Variants in SLC9A5 observed in about 807,000 individuals in gnomAD.
The protein encoded by SLC9A5 is solute carrier family 9 member A5, also known as sodium/hydrogen exchanger 5.
In SLC9A5, 52 loss-of-function variants were observed where a neutral mutation model predicts 91.7. The ratio of observed to expected loss-of-function variants is 0.57; its 90% CI spans 0.45 to 0.71. SLC9A5 has a LOEUF of 0.71. Among genes scored for constraint, SLC9A5 ranks in the 30% least tolerant of loss-of-function variants. SLC9A5 has a pLI of 0.00. For missense variants in SLC9A5, 871 were observed against 1,158.9 expected, an observed-to-expected ratio of 0.75 and a Z score of 3.61; for synonymous variants, 419 against 474.5, an observed-to-expected ratio of 0.88 and a Z score of 1.52.
intron 12 of SLC9A5, among the ~76,000 whole-genome samples, chr16:67,264,028 T>G (rs1361486634): frequency 6.6e-6 from 1 of 151,858 alleles, no homozygotes; most frequent in African/African-American, 2.4e-5. Flanking sequence ...AAAGAAAATG[T>G]CCCCCATGTT....
chr16:67,266,930 A>T (rs1456281342), intron 15 of SLC9A5, among the ~76,000 whole-genome samples: 3 of 125,058 alleles, frequency 2.4e-5, no homozygotes, highest in Non-Finnish European at 4.8e-5. Flanking sequence ...TTGAGACAGG[A>T]TCTCACTCTG....
rs1449978937 is a variant in SLC9A5 at position 67,270,819 on chromosome 16, G to C, written c.2300G>C (p.Gly767Ala). 6.2e-7 allele frequency: 1 copy of C among 1,614,074 alleles called. No homozygotes were observed. Among genetic ancestry groups the C allele is most frequent in the Admixed American group, 1.7e-5 (1 of 60,010 alleles). Reference sequence around the variant, plus strand: ...GAAAAGGAGCTCCCCTGGAAGAGTGGGCAGGGGGACCTGGCAGTGTACGTG... The same window carrying C: ...GAAAAGGAGCTCCCCTGGAAGAGTGCGCAGGGGGACCTGGCAGTGTACGTG... The part of the protein sequence containing the change: ...CAEKELPWKS[G>A]QGDLAVYVSS... Residue 767 changes from glycine (G) to alanine (A), a missense_variant, in exon 16 of 16, where the codon GGG (glycine) becomes GCG (alanine). This residue lies in a region of SLC9A5 where 295 missense variants were observed against 326.0 expected (regional missense o/e 0.90). Coordinates refer to ENST00000299798, the MANE Select transcript of SLC9A5 (RefSeq NM_004594.3). The surrounding 1 kb of genome is among the most constrained non-coding windows in gnomAD (Gnocchi z 4.3).
chr16:67,271,348 C>CA lies in SLC9A5; in HGVS notation c.*139dup, dbSNP rs2035919218. The CA allele has an allele frequency of 4.0e-6, 3 of 742,422 alleles. No homozygotes were observed. The highest frequency in any genetic ancestry group is 6.7e-6 in the Non-Finnish European group (3 of 450,392). The allele number at this position is 742,422 out of a possible 1,614,324, so 46.0% of individuals were successfully genotyped here. A position where few individuals can be genotyped will look rare whatever the true frequency, so the allele number is the denominator to read the frequency against. On this transcript the variant is annotated 3_prime_UTR_variant, in exon 16 of 16. Coordinates refer to ENST00000299798, the MANE Select transcript of SLC9A5 (RefSeq NM_004594.3). ...GTAATTGGGCTTCCTTGGAGCTAGT[C>CA]AGAGGGGTCACCTAAGCTGGTCCTC... is the stretch of plus-strand genomic sequence containing the variant.
Position 67,255,976 on chromosome 16 carries a change from G to T in SLC9A5, c.911+46G>T. 1 of 1,585,304 alleles carries T rather than the reference G, an allele frequency of 6.3e-7. No homozygotes were observed. On this transcript the variant is annotated intron_variant, in intron 5 of 15. Transcript: ENST00000299798. This position sits in a 1 kb window ranked among gnomAD's most constrained non-coding sequence, Gnocchi z 4.9. ...AGGCAGATAGCTGGGAGGGGGCACT[G>T]GAGATGGTTGCCCCTCATAGGGACA... is the stretch of plus-strand genomic sequence containing the variant.
Position 67,249,221 on chromosome 16 carries a change from C to G in SLC9A5, c.187+20C>G. 7.1e-7 allele frequency: 1 copy of G among 1,404,920 alleles called. No homozygotes were observed. The highest frequency in any genetic ancestry group is 9.3e-7 in the Non-Finnish European group (1 of 1,079,320). 87.0% of individuals were successfully genotyped at this position (1,404,920 alleles called of 1,614,324 possible). A position where few individuals can be genotyped will look rare whatever the true frequency, so the allele number is the denominator to read the frequency against. ...AAATCGGTGAGTGCGTGTGTGCGTG[C>G]GCCAGGCCGACCGCCAGCGGCGGAC... On this transcript the variant is annotated intron_variant, in intron 1 of 15. Coordinates refer to ENST00000299798, the MANE Select transcript of SLC9A5 (RefSeq NM_004594.3).
chr16:67,251,403 C>CTTTTTTTTTTT lies in SLC9A5; in HGVS notation c.188-1121_188-1111dup, dbSNP rs939453669. 6.2e-5 allele frequency among the ~76,000 whole-genome samples: 4 copies of CTTTTTTTTTTT among 64,808 alleles called. 1 individual carries two copies. Among genetic ancestry groups the CTTTTTTTTTTT allele is most frequent in the Non-Finnish European group, 8.6e-5 (3 of 34,844 alleles). The allele number at this position is 64,808 out of a possible 152,430, so 42.5% of individuals were successfully genotyped here. On this transcript the variant is annotated intron_variant, in intron 1 of 15. Transcript: ENST00000299798. ...TGCTAAGTGCTTTTGAGTAGATTGT[C>CTTTTTTTTTTT]TTTTTTTTTTTTTTTTTTTTTTTTT...
chr16:67,252,645 A>G lies in SLC9A5; in HGVS notation c.291A>G (p.Lys97=). 6.2e-7 allele frequency: 1 copy of G among 1,614,206 alleles called. No homozygotes were observed. Among genetic ancestry groups the G allele is most frequent in the Non-Finnish European group, 8.5e-7 (1 of 1,180,040 alleles). The change falls in exon 2 of 16, where the codon AAA becomes AAG. Residue 97 remains lysine (K), a synonymous_variant. Transcript: ENST00000299798. This position sits in a 1 kb window ranked among gnomAD's most constrained non-coding sequence, Gnocchi z 4.0. ...GAATTGTTTTGGCTGTGGCCAAGAA[A>G]GCTGAGTACCAGCTGGAGCCAGGCA... ...LGGIVLAVAK[K]AEYQLEPGTF... is the part of the protein sequence containing the mutation.
At position 67,255,653 on chromosome 16, in the gene SLC9A5, T is replaced by C. The variant is rs1176880239; in HGVS notation, c.734-100T>C. 1.5e-6 allele frequency: 2 copies of C among 1,377,988 alleles called. No homozygotes were observed. Among genetic ancestry groups the C allele is most frequent in the African/African-American group, 2.9e-5 (2 of 69,378 alleles). The allele number at this position is 1,377,988 out of a possible 1,614,324, so 85.4% of individuals were successfully genotyped here. A position where few individuals can be genotyped will look rare whatever the true frequency, so the allele number is the denominator to read the frequency against. ...CTCTGGGGTTTTGAGCCCCTGGGAGTGCGGTGGGCATCATCCCTCACTCCC... is the reference window on the plus strand; with the variant it reads ...CTCTGGGGTTTTGAGCCCCTGGGAGCGCGGTGGGCATCATCCCTCACTCCC... On this transcript the variant is annotated intron_variant, in intron 4 of 15. Transcript: ENST00000299798. This position sits in a 1 kb window ranked among gnomAD's most constrained non-coding sequence, Gnocchi z 4.9.
Position 67,252,700 on chromosome 16 carries a change from G to A in SLC9A5, c.346G>A (p.Val116Met). Residue 116 changes from valine (V) to methionine (M), a missense_variant, in exon 2 of 16, where the codon GTG (valine) becomes ATG (methionine). By Grantham distance (21) the Val-to-Met change is conservative. Transcript: ENST00000299798. This position sits in a 1 kb window ranked among gnomAD's most constrained non-coding sequence, Gnocchi z 4.0. The stretch of plus-strand genomic sequence containing the variant: ...CTTCCTCTTCCTGCTGCCTCCTATT[G>A]TGTTGGACTCAGGCTATTTCATGCC... ...TFFLFLLPPIVLDSGYFMPSR... is the reference protein window; with the variant it reads ...TFFLFLLPPIMLDSGYFMPSR... The A allele has an allele frequency of 6.2e-7, 1 of 1,614,226 alleles. No individual in the cohort carries two copies. Among genetic ancestry groups the A allele is most frequent in the Non-Finnish European group, 8.5e-7 (1 of 1,180,040 alleles).
At position 67,264,614 on chromosome 16, in the gene SLC9A5, A is replaced by C. The variant is rs913835462; in HGVS notation, c.2013+92A>C. 2.2e-5 allele frequency: 30 copies of C among 1,345,120 alleles called. 1 individual carries two copies. In the East Asian group the frequency reaches 6.9e-4, roughly 31 times the overall value. 83.3% of individuals were successfully genotyped at this position (1,345,120 alleles called of 1,614,324 possible). A position where few individuals can be genotyped will look rare whatever the true frequency, so the allele number is the denominator to read the frequency against. ...AGTGTTAGGATCCAGCTTAGGGGGA[A>C]CCCCAGTTGGGACAGTCCTCAGGGG... On this transcript the variant is annotated intron_variant, in intron 13 of 15. Coordinates refer to ENST00000299798, the MANE Select transcript of SLC9A5 (RefSeq NM_004594.3).
rs1311910940 is a variant in SLC9A5, at chr16:67,257,145, G to A, written c.1335+32G>A. ...GTGCCCACAAGGCTGGGTAGGGAGAGGGTTGGGCAGGCCCTGGGGGAGTCT... is the reference window on the plus strand; with the variant it reads ...GTGCCCACAAGGCTGGGTAGGGAGAAGGTTGGGCAGGCCCTGGGGGAGTCT... On this transcript the variant is annotated intron_variant, in intron 7 of 15. Coordinates refer to ENST00000299798, the MANE Select transcript of SLC9A5 (RefSeq NM_004594.3). The surrounding 1 kb of genome is among the most constrained non-coding windows in gnomAD (Gnocchi z 5.1). The A allele has an allele frequency of 6.3e-7, 1 of 1,583,622 alleles. No homozygotes were observed. Among genetic ancestry groups the A allele is most frequent in the Non-Finnish European group, 8.6e-7 (1 of 1,163,552 alleles).
At position 67,255,491 on chromosome 16, in the gene SLC9A5, C is replaced by T. The variant is rs1334880053; in HGVS notation, c.733+20C>T. On this transcript the variant is annotated intron_variant, in intron 4 of 15. Coordinates refer to ENST00000299798, the MANE Select transcript of SLC9A5 (RefSeq NM_004594.3). The surrounding 1 kb of genome is among the most constrained non-coding windows in gnomAD (Gnocchi z 4.9). ...GAGTCGGTCAGTATTTCCCCGCTCCCAGCTGGCATTGGAGGTCTGCCTCCC... is the reference window on the plus strand; with the variant it reads ...GAGTCGGTCAGTATTTCCCCGCTCCTAGCTGGCATTGGAGGTCTGCCTCCC... 1 of 1,612,126 alleles carries T rather than the reference C, an allele frequency of 6.2e-7. No individual in the cohort carries two copies. Among genetic ancestry groups the T allele is most frequent in the Non-Finnish European group, 8.5e-7 (1 of 1,178,410 alleles).
intron 15 of SLC9A5, among the ~76,000 whole-genome samples, chr16:67,268,328 T>A (rs1366399507): frequency 2.0e-5 from 3 of 148,472 alleles, no homozygotes; most frequent in East Asian, 2.0e-4. Context: ...GATAAGGATT[T>A]TTTTTTTTTT....
chr16:67,264,826 G>A (rs2035646425), intron 13 of SLC9A5, among the ~76,000 whole-genome samples: 1 of 149,360 alleles, frequency 6.7e-6, no homozygotes, highest in Non-Finnish European at 1.5e-5. Flanking sequence ...AACTCCATGA[G>A]CTCCTAAGTC....
rs892942913 is a variant in SLC9A5, at chr16:67,259,706, G to A, written c.1715+45G>A. ...CCCCTTCCTCATACTCCTCTCCATT[G>A]TGCCCTCTCTCTGAGTCCCTTCTGG... On this transcript the variant is annotated intron_variant, in intron 11 of 15. Transcript: ENST00000299798. 6.3e-6 allele frequency: 10 copies of A among 1,598,310 alleles called. No individual in the cohort carries two copies. The Admixed American group carries it at 6.7e-5, about 11-fold the overall frequency.
In SLC9A5 at chr16:67,270,813, A is replaced by G. The variant is rs2035891317; in HGVS notation, c.2294A>G (p.Lys765Arg). 1.2e-6 allele frequency: 2 copies of G among 1,613,990 alleles called. No individual in the cohort carries two copies. The highest frequency in any genetic ancestry group is 8.5e-7 in the Non-Finnish European group (1 of 1,180,008). Reference protein sequence around the residue: ...PTCAEKELPWKSGQGDLAVYV... With the variant: ...PTCAEKELPWRSGQGDLAVYV... ...TGTGCAGAAAAGGAGCTCCCCTGGA[A>G]GAGTGGGCAGGGGGACCTGGCAGTG... The change falls in exon 16 of 16, where the codon AAG becomes AGG. Residue 765 changes from lysine (K) to arginine (R), a missense_variant. Physicochemically the swap from Lys to Arg is conservative, Grantham distance 26. This residue lies in a region of SLC9A5 where 295 missense variants were observed against 326.0 expected (regional missense o/e 0.90). Coordinates refer to ENST00000299798, the MANE Select transcript of SLC9A5 (RefSeq NM_004594.3). The surrounding 1 kb of genome is among the most constrained non-coding windows in gnomAD (Gnocchi z 4.3).
chr16:67,260,957 C>T (rs2035513910), intron 12 of SLC9A5, among the ~76,000 whole-genome samples: 1 of 152,218 alleles, frequency 6.6e-6, no homozygotes, highest in African/African-American at 2.4e-5. Context: ...CAGAATTGGC[C>T]TCCTTTAACT....
At chr16:67,249,319 T>A in intron 1 of SLC9A5, 118 bp downstream of exon 1, 1 of 797,894 alleles carries the variant, frequency 1.3e-6, no homozygotes, top group Non-Finnish European at 1.7e-6. Context: ...GGACTTAGGT[T>A]TGGATTCCAC....
chr16:67,255,598 G>A lies in SLC9A5; in HGVS notation c.733+127G>A, dbSNP rs1466439905. The A allele has an allele frequency of 1.0e-5, 13 of 1,283,518 alleles. No homozygotes were observed. Among genetic ancestry groups the A allele is most frequent in the Non-Finnish European group, 1.4e-5 (13 of 904,252 alleles). The allele number at this position is 1,283,518 out of a possible 1,614,324, so 79.5% of individuals were successfully genotyped here. A position where few individuals can be genotyped will look rare whatever the true frequency, so the allele number is the denominator to read the frequency against. On this transcript the variant is annotated intron_variant, in intron 4 of 15. Coordinates refer to ENST00000299798, the MANE Select transcript of SLC9A5 (RefSeq NM_004594.3). This position sits in a 1 kb window ranked among gnomAD's most constrained non-coding sequence, Gnocchi z 4.9. ...CCTCATCTCCTCTATAGAGAAATGGGGTCTGGGAGGGGCTTGCCAGGGATC... is the reference window on the plus strand; with the variant it reads ...CCTCATCTCCTCTATAGAGAAATGGAGTCTGGGAGGGGCTTGCCAGGGATC...
Sources: gnomAD v4.1 joint callset for allele counts (sites outside exome capture counted in the v4.1 genomes callset) on GRCh38, gnomAD v4.1.1 for gene constraint, gnomAD v4.1.1 regional missense constraint, Gnocchi (gnomAD v3.1) non-coding constraint, MANE v1.5 for transcripts, NCBI Gene and HGNC (gene_info 2026-07-23, HGNC 2026-07-21) for gene names.